Variants in ST6GALNAC3 observed in about 807,000 individuals in gnomAD.
ST6GALNAC3 encodes the protein alpha-N-acetylgalactosaminide alpha-2,6-sialyltransferase 3.
In ST6GALNAC3, 25 loss-of-function variants were observed where a neutral mutation model predicts 32.7. That is an observed-to-expected ratio of 0.76 (90% confidence interval 0.56 to 1.07). The LOEUF (loss-of-function observed/expected upper bound fraction) is 1.07, where lower values mean the gene tolerates loss of function less well. Among genes scored for constraint, ST6GALNAC3 ranks in the 50% least tolerant of loss-of-function variants. The probability of loss-of-function intolerance (pLI) is 0.00; values close to 1 mark genes in which losing one functional copy is unlikely to be tolerated. For synonymous variants in ST6GALNAC3, 129 were observed against 133.1 expected (o/e 0.97, Z 0.21); for missense variants, 355 against 382.4 (o/e 0.93, Z 0.60).
intron 1 of ST6GALNAC3, chr1:76,313,557 G>C: frequency 1.7e-6 from 1 of 594,340 alleles, no homozygotes. Context: ...GGAATATAGT[G>C]AGATAAGGAA....
chr1:76,271,647 A>T (rs1658850303), intron 1 of ST6GALNAC3, among the ~76,000 whole-genome samples: 1 of 152,246 alleles, frequency 6.6e-6, no homozygotes, highest in Non-Finnish European at 1.5e-5. Flanking sequence ...TGTTTAAACC[A>T]GGGAAGTCAG....
At chr1:76,316,632 G>A (rs1312451976) in intron 2 of ST6GALNAC3, among the ~76,000 whole-genome samples, 1 of 152,038 alleles carries the variant, frequency 6.6e-6, no homozygotes, top group African/African-American at 2.4e-5. Flanking sequence ...GGGTCTAGCG[G>A]TTACCTCTGA....
intron 3 of ST6GALNAC3, among the ~76,000 whole-genome samples, chr1:76,551,835 C>T (rs1272787822): frequency 2.0e-5 from 3 of 152,128 alleles, no homozygotes; most frequent in Non-Finnish European, 4.4e-5. Context: ...CTCCCAACCC[C>T]CACCACACAC....
chr1:76,260,354 C>T (rs1448764200), intron 1 of ST6GALNAC3, among the ~76,000 whole-genome samples: 1 of 152,222 alleles, frequency 6.6e-6, no homozygotes, highest in Admixed American at 6.5e-5. Context: ...GAATGTCAAT[C>T]TGTGGAAGGA....
At chr1:76,224,895 A>T (rs1655980461) in intron 1 of ST6GALNAC3, among the ~76,000 whole-genome samples, 1 of 152,098 alleles carries the variant, frequency 6.6e-6, no homozygotes. Flanking sequence ...TGCTATTGTG[A>T]TCATCTGATG....
intron 1 of ST6GALNAC3, among the ~76,000 whole-genome samples, chr1:76,285,384 T>TGG (rs1410045034): frequency 2.1e-5 from 1 of 48,560 alleles, no homozygotes; most frequent in Non-Finnish European, 4.0e-5. Flanking sequence ...GTCGGGAGGA[T>TGG]GGTGTGTGTG....
chr1:76,285,684 A>T (rs1179713367), intron 1 of ST6GALNAC3, among the ~76,000 whole-genome samples: 1 of 152,134 alleles, frequency 6.6e-6, no homozygotes, highest in East Asian at 1.9e-4. Flanking sequence ...CAAAAAAGTC[A>T]TTGTGCAGCT....
At chr1:76,372,088 C>CA (rs1262555786) in intron 2 of ST6GALNAC3, among the ~76,000 whole-genome samples, 1 of 151,996 alleles carries the variant, frequency 6.6e-6, no homozygotes, top group East Asian at 1.9e-4. Flanking sequence ...AGAACACACA[C>CA]AAAAAAGTGT....
intron 3 of ST6GALNAC3, among the ~76,000 whole-genome samples, chr1:76,510,205 C>G (rs1292863011): frequency 1.3e-5 from 2 of 152,156 alleles, no homozygotes. Flanking sequence ...ATAGGTAGGA[C>G]ATGATTTAAC....
At chr1:76,113,472 A>C (rs1648235447) in intron 1 of ST6GALNAC3, among the ~76,000 whole-genome samples, 1 of 152,062 alleles carries the variant, frequency 6.6e-6, no homozygotes, top group African/African-American at 2.4e-5. Context: ...TTCTAGAAGA[A>C]AGAACAATCT....
At chr1:76,431,752 T>C (rs1655767642) in intron 3 of ST6GALNAC3, among the ~76,000 whole-genome samples, 1 of 152,168 alleles carries the variant, frequency 6.6e-6, no homozygotes, top group Non-Finnish European at 1.5e-5. Flanking sequence ...TGCCCCAATA[T>C]AAACTGTCTC....
intron 1 of ST6GALNAC3, among the ~76,000 whole-genome samples, chr1:76,215,050 A>C (rs1011495241): frequency 6.6e-6 from 1 of 152,198 alleles, no homozygotes; most frequent in Admixed American, 6.5e-5. Flanking sequence ...GAAGGTTTCT[A>C]GTAGAATGTT....
chr1:76,224,709 G>A (rs1262329328), intron 1 of ST6GALNAC3, among the ~76,000 whole-genome samples: 1 of 152,222 alleles, frequency 6.6e-6, no homozygotes, highest in East Asian at 1.9e-4. Flanking sequence ...AGAGACAAGG[G>A]GCCTAGGTGG....
intron 3 of ST6GALNAC3, among the ~76,000 whole-genome samples, chr1:76,481,898 C>T (rs1017434891): frequency 4.6e-5 from 7 of 152,118 alleles, no homozygotes; most frequent in Admixed American, 6.6e-5. Context: ...CTTCAAAGCC[C>T]TAGTCTCGAC....
intron 3 of ST6GALNAC3, among the ~76,000 whole-genome samples, chr1:76,503,551 A>C (rs1661305180): frequency 6.6e-6 from 1 of 152,232 alleles, no homozygotes; most frequent in Non-Finnish European, 1.5e-5. Context: ...ATACAGTCTC[A>C]ATTCAAAGAA....
At chr1:76,279,906 T>A (rs1035720571) in intron 1 of ST6GALNAC3, among the ~76,000 whole-genome samples, 3 of 152,166 alleles carry the variant, frequency 2.0e-5, no homozygotes, top group Non-Finnish European at 4.4e-5. Context: ...CTGGAGGAGT[T>A]CTGTGTTTGT....
Position 76,130,566 on chromosome 1 carries a change from T to C in ST6GALNAC3, c.18+55682T>C, listed in dbSNP as rs1233628908. 2.0e-5 allele frequency among the ~76,000 whole-genome samples: 3 copies of C among 152,196 alleles called. No individual in the cohort carries two copies. In the East Asian group the frequency reaches 5.8e-4, roughly 29 times the overall value. On this transcript the variant is annotated intron_variant, in intron 1 of 4. Coordinates refer to ENST00000328299, the MANE Select transcript of ST6GALNAC3 (RefSeq NM_152996.4). ...GCCACCTGCTCATGTAGTTGACCCC[T>C]TGGGGTCCTGGCCTGGCTCAGTCTT... is the stretch of plus-strand genomic sequence containing the variant.
intron 3 of ST6GALNAC3, among the ~76,000 whole-genome samples, chr1:76,485,694 T>C (rs1388762935): frequency 1.4e-4 from 21 of 152,250 alleles, no homozygotes; most frequent in Non-Finnish European, 1.3e-4. Context: ...CATTGATTTT[T>C]TTGAAGGGTT....
chr1:76,209,037 G>A (rs1457494961), intron 1 of ST6GALNAC3, among the ~76,000 whole-genome samples: 3 of 152,038 alleles, frequency 2.0e-5, no homozygotes, highest in African/African-American at 7.2e-5. Context: ...TTTGTGTCTA[G>A]TGGCTCATTT....
Sources: gnomAD v4.1 joint callset for allele counts (sites outside exome capture counted in the v4.1 genomes callset) on GRCh38, gnomAD v4.1.1 for gene constraint, MANE v1.5 for transcripts, NCBI Gene and HGNC (gene_info 2026-07-23, HGNC 2026-07-21) for gene names.